PLCG2: variants seen among roughly 807,000 people sequenced by gnomAD.
PLCG2 encodes 1-phosphatidylinositol 4,5-bisphosphate phosphodiesterase gamma-2.
A neutral mutation model predicts 175.6 loss-of-function variants in PLCG2; 69 were observed. The ratio of observed to expected loss-of-function variants is 0.39; its 90% CI spans 0.32 to 0.48. PLCG2 has a LOEUF of 0.48. Among genes scored for constraint, PLCG2 ranks in the 20% least tolerant of loss-of-function variants. The pLI is 0.91. For missense variants in PLCG2, 1,798 were observed against 1,650.9 expected (o/e 1.09, Z -1.54); for synonymous variants, 827 against 624.0 (o/e 1.33, Z -4.85).
chr16:81,920,282 T>C (rs937283635), intron 20 of PLCG2, among the ~76,000 whole-genome samples: 10 of 152,192 alleles, frequency 6.6e-5, no homozygotes, highest in Non-Finnish European at 7.3e-5. Flanking sequence ...TCCTACCACA[T>C]AGATCATTAA....
At chr16:81,752,483 G>A (rs754316171) in intron 1 of PLCG2, among the ~76,000 whole-genome samples, 3 of 152,178 alleles carry the variant, frequency 2.0e-5, no homozygotes, top group Admixed American at 2.0e-4. Context: ...AATAGCAGCT[G>A]GGGGCGGAGC....
At chr16:81,804,977 T>C (rs1478948000) in intron 2 of PLCG2, among the ~76,000 whole-genome samples, 2 of 152,212 alleles carry the variant, frequency 1.3e-5, no homozygotes, top group African/African-American at 2.4e-5. Flanking sequence ...GTCATTACAA[T>C]CTGTCTGTGA....
intron 30 of PLCG2, among the ~76,000 whole-genome samples, chr16:81,942,459 C>T (rs753354285): frequency 1.3e-5 from 2 of 152,184 alleles, no homozygotes; most frequent in Non-Finnish European, 2.9e-5. Flanking sequence ...CATCCATATT[C>T]ATGGGAGGAA....
chr16:81,879,184 G>T (rs1907959678), intron 7 of PLCG2, among the ~76,000 whole-genome samples: 2 of 152,146 alleles, frequency 1.3e-5, no homozygotes, highest in Admixed American at 1.3e-4. Flanking sequence ...CCACACACTG[G>T]GCTCCCTCCA....
At chr16:81,880,787 G>C in intron 7 of PLCG2, 123 bp from the exon 8 acceptor site, 1 of 840,618 alleles carries the variant, frequency 1.2e-6, no homozygotes, top group South Asian at 1.6e-5. Flanking sequence ...CAACTAAAAT[G>C]ATATTTTTAA....
intron 2 of PLCG2, among the ~76,000 whole-genome samples, chr16:81,790,166 G>A (rs1911167846): frequency 6.6e-6 from 1 of 152,218 alleles, no homozygotes; most frequent in Non-Finnish European, 1.5e-5. Flanking sequence ...TGAATTCATA[G>A]TGTGTGACAG....
At chr16:81,789,512 C>T (rs1457186503) in intron 2 of PLCG2, among the ~76,000 whole-genome samples, 1 of 152,186 alleles carries the variant, frequency 6.6e-6, no homozygotes, top group Non-Finnish European at 1.5e-5. Context: ...TGGTCTCCAA[C>T]TCCTGGCCTC....
At chr16:81,877,317 A>G (rs564444048) in intron 7 of PLCG2, among the ~76,000 whole-genome samples, 14 of 152,310 alleles carry the variant, frequency 9.2e-5, no homozygotes, top group South Asian at 2.1e-4. Context: ...TTAGCTGGGC[A>G]TAGTGGCGGG....
intron 19 of PLCG2, among the ~76,000 whole-genome samples, chr16:81,917,117 T>G (rs1292987542): frequency 1.3e-5 from 2 of 152,220 alleles, no homozygotes; most frequent in African/African-American, 4.8e-5. Context: ...TTAAACCTTT[T>G]TAGGTTTCAC....
At chr16:81,819,624 G>A (rs1904707135) in intron 2 of PLCG2, among the ~76,000 whole-genome samples, 5 of 152,094 alleles carry the variant, frequency 3.3e-5, no homozygotes, top group Admixed American at 2.6e-4. Context: ...TCGCTCTTTC[G>A]CCCAGGCTGT....
At chr16:81,846,692 C>A (rs374895967) in intron 2 of PLCG2, among the ~76,000 whole-genome samples, 1 of 152,172 alleles carries the variant, frequency 6.6e-6, no homozygotes, top group African/African-American at 2.4e-5. Flanking sequence ...TTCAAGATAT[C>A]AGTTCTTCCT....
intron 2 of PLCG2, among the ~76,000 whole-genome samples, chr16:81,768,608 C>G (rs1910205511): frequency 6.9e-6 from 1 of 145,824 alleles, no homozygotes; most frequent in Non-Finnish European, 1.5e-5. Context: ...TCTTGTTGCC[C>G]AGGCTGGAGT....
chr16:81,783,546 G>A (rs1159207932), intron 1 of PLCG2, among the ~76,000 whole-genome samples: 1 of 152,212 alleles, frequency 6.6e-6, no homozygotes, highest in East Asian at 1.9e-4. Context: ...TGGGACTCAG[G>A]TGAGGGTTTT....
At chr16:81,869,329 A>T (rs757192083) in intron 6 of PLCG2, 31 bp downstream of exon 6, 238 of 1,474,914 alleles carry the variant, frequency 1.6e-4, no homozygotes, top group Non-Finnish European at 2.3e-4. Flanking sequence ...TGGGAATTTT[A>T]TGAATGCGGA....
At chr16:81,822,986 A>G (rs1007248960) in intron 2 of PLCG2, among the ~76,000 whole-genome samples, 2 of 152,218 alleles carry the variant, frequency 1.3e-5, no homozygotes, top group African/African-American at 4.8e-5. Flanking sequence ...GTTTTAGCCC[A>G]GTGAGACTGG....
chr16:81,899,762 C>T (rs899610757), intron 13 of PLCG2, among the ~76,000 whole-genome samples: 4 of 152,202 alleles, frequency 2.6e-5, no homozygotes, highest in African/African-American at 9.6e-5. Flanking sequence ...GTCAGATACG[C>T]TTGGTTCAGG....
intron 2 of PLCG2, among the ~76,000 whole-genome samples, chr16:81,769,976 T>G (rs1176345852): frequency 6.6e-6 from 1 of 152,180 alleles, no homozygotes; most frequent in East Asian, 1.9e-4. Flanking sequence ...AGCTTCCCAG[T>G]TCCACTGTGA....
intron 2 of PLCG2, among the ~76,000 whole-genome samples, chr16:81,831,496 A>C (rs7190115): frequency 0.032 from 4,898 of 152,182 alleles, 272 homozygotes; most frequent in African/African-American, 0.11. Context: ...GGCCCTCTCT[A>C]TTTGTCTCAG....
chr16:81,923,737 G>A (rs1910150583), intron 22 of PLCG2, 143 bp downstream of exon 22: 3 of 567,650 alleles, frequency 5.3e-6, no homozygotes, highest in South Asian at 2.3e-5. Context: ...CCCTTCTTAG[G>A]AAGGTGGCTT....
Sources: gnomAD v4.1 joint callset for allele counts (sites outside exome capture counted in the v4.1 genomes callset) on GRCh38, gnomAD v4.1.1 for gene constraint, MANE v1.5 for transcripts, NCBI Gene and HGNC (gene_info 2026-07-23, HGNC 2026-07-21) for gene names.